Variants in SNTB1 observed in about 807,000 individuals in gnomAD.
SNTB1 encodes beta-1-syntrophin.
SNTB1 carries 36 observed loss-of-function variants against 48.9 expected under a neutral mutation model. The observed-to-expected ratio is 0.74, with a 90% confidence interval of 0.56 to 0.97. The LOEUF is 0.97. Ranked by LOEUF, SNTB1 falls within the 50% of genes least tolerant of loss-of-function variation. The pLI, the probability that SNTB1 is intolerant of heterozygous loss-of-function variation, is 0.00. For missense variants in SNTB1, 786 were observed against 703.4 expected, an observed-to-expected ratio of 1.12 and a Z score of -1.33; for synonymous variants, 299 against 294.6, an observed-to-expected ratio of 1.01 and a Z score of -0.15.
rs372825310 is a variant in SNTB1 at position 120,632,469 on chromosome 8, C to T, written c.971G>A (p.Arg324Lys). 5.3e-5 allele frequency: 86 copies of T among 1,613,960 alleles called. No homozygotes were observed. The highest frequency in any genetic ancestry group is 1.3e-4 in the African/African-American group (10 of 74,916). ...KTGIAGSREI[R>K]HLGWLAEKVP... ...CTTTTCTGCAAGCCAGCCAAGATGCCTAATCTCTCGGCTCCCAGCAATGCC... is the reference window on the plus strand; with the variant it reads ...CTTTTCTGCAAGCCAGCCAAGATGCTTAATCTCTCGGCTCCCAGCAATGCC... Residue 324 changes from arginine to lysine, a missense_variant, in exon 3 of 7, where the codon AGG becomes AAG. Coordinates refer to ENST00000517992, the MANE Select transcript of SNTB1 (RefSeq NM_021021.4).
intron 3 of SNTB1, among the ~76,000 whole-genome samples, chr8:120,604,432 G>C (rs932287430): frequency 6.6e-6 from 1 of 150,772 alleles, no homozygotes; most frequent in Non-Finnish European, 1.5e-5. Flanking sequence ...TTAGCCCATG[G>C]CTTGGAAGCC....
chr8:120,557,379 A>C (rs1309849459), intron 4 of SNTB1, among the ~76,000 whole-genome samples: 1 of 152,186 alleles, frequency 6.6e-6, no homozygotes, highest in Non-Finnish European at 1.5e-5. Flanking sequence ...TGCTTCTTGG[A>C]AGCCAAGATG....
chr8:120,713,449 A>T (rs1478315679), intron 1 of SNTB1, among the ~76,000 whole-genome samples: 1 of 152,158 alleles, frequency 6.6e-6, no homozygotes, highest in Non-Finnish European at 1.5e-5. Context: ...TGAATCATAC[A>T]GGCTGGGCAT....
chr8:120,593,903 A>C (rs1171135639), intron 3 of SNTB1, among the ~76,000 whole-genome samples: 1 of 152,154 alleles, frequency 6.6e-6, no homozygotes, highest in Non-Finnish European at 1.5e-5. Flanking sequence ...GATCTTTCTT[A>C]AAATGGCATC....
intron 3 of SNTB1, among the ~76,000 whole-genome samples, chr8:120,616,250 T>C (rs189005454): frequency 6.6e-6 from 1 of 152,192 alleles, no homozygotes; most frequent in Admixed American, 6.5e-5. Context: ...CAGTTGGTGA[T>C]TTTAGATTCG....
At chr8:120,772,691 A>G (rs1414414557) in intron 1 of SNTB1, among the ~76,000 whole-genome samples, 1 of 152,202 alleles carries the variant, frequency 6.6e-6, no homozygotes, top group African/African-American at 2.4e-5. Context: ...CCCACACTGT[A>G]TATACCTGCC....
intron 1 of SNTB1, among the ~76,000 whole-genome samples, chr8:120,795,867 T>C (rs1820112005): frequency 6.6e-6 from 1 of 152,140 alleles, no homozygotes; most frequent in African/African-American, 2.4e-5. Flanking sequence ...CATGTTCATA[T>C]GGCCCCTCCC....
chr8:120,757,671 T>TCTTCTGTGAAAAACTTCCCTC (rs1439887094), intron 1 of SNTB1, among the ~76,000 whole-genome samples: 1 of 152,162 alleles, frequency 6.6e-6, no homozygotes, highest in Admixed American at 6.5e-5. Flanking sequence ...AGTCTTCCCT[T>TCTTCTGTGAAAAACTTCCCTC]CTTCTGTGAA....
intron 3 of SNTB1, among the ~76,000 whole-genome samples, chr8:120,586,587 T>C (rs1020047932): frequency 6.6e-6 from 1 of 152,148 alleles, no homozygotes; most frequent in Non-Finnish European, 1.5e-5. Flanking sequence ...ACTGGGCCCA[T>C]CTGGATGATC....
intron 4 of SNTB1, 106 bp downstream of exon 4, chr8:120,574,980 C>A (rs761937312): frequency 5.3e-5 from 74 of 1,398,550 alleles, no homozygotes; most frequent in Non-Finnish European, 7.2e-5. Flanking sequence ...GAGCTCTCAG[C>A]CCCTGCTGCA....
At chr8:120,742,201 G>C (rs1819052377) in intron 1 of SNTB1, among the ~76,000 whole-genome samples, 1 of 152,164 alleles carries the variant, frequency 6.6e-6, no homozygotes, top group South Asian at 2.1e-4. Context: ...GCAAAGCACT[G>C]CCTGCCATCT....
At position 120,541,843 on chromosome 8, in the gene SNTB1, C is replaced by T. The variant is rs765902633; in HGVS notation, c.1491G>A (p.Leu497=). ...KMSSDDGIRM[L]YLDFGGKDGE... The stretch of plus-strand genomic sequence containing the variant: ...CATCTTTGCCTCCAAAATCTAAATA[C>T]AGCATCCTGATTCCATCATCTGAAG... The change falls in exon 6 of 7, where the codon CTG becomes CTA. Residue 497 remains leucine (L), a synonymous_variant. Coordinates refer to ENST00000517992, the MANE Select transcript of SNTB1 (RefSeq NM_021021.4). 3.1e-6 allele frequency: 5 copies of T among 1,613,386 alleles called. No homozygotes were observed. In the South Asian group the frequency reaches 4.4e-5, roughly 14 times the overall value.
chr8:120,752,827 G>A (rs1176625665), intron 1 of SNTB1, among the ~76,000 whole-genome samples: 1 of 152,008 alleles, frequency 6.6e-6, no homozygotes, highest in Non-Finnish European at 1.5e-5. Context: ...ACTTGAGGAT[G>A]GAGGGTGGGA....
chr8:120,676,762 T>C (rs1587081804), intron 2 of SNTB1, among the ~76,000 whole-genome samples: 1 of 152,186 alleles, frequency 6.6e-6, no homozygotes, highest in South Asian at 2.1e-4. Flanking sequence ...GGTGGCACAA[T>C]TAAAACTAAA....
At chr8:120,613,297 GCCGGGATTGT>G (rs1425037219) in intron 3 of SNTB1, among the ~76,000 whole-genome samples, 1 of 151,914 alleles carries the variant, frequency 6.6e-6, no homozygotes, top group African/African-American at 2.4e-5. Context: ...GCTGCAGTGA[GCCGGGATTGT>G]GCCACTGCAC....
At chr8:120,548,316 A>G (rs1457574669) in intron 5 of SNTB1, among the ~76,000 whole-genome samples, 1 of 152,150 alleles carries the variant, frequency 6.6e-6, no homozygotes, top group Non-Finnish European at 1.5e-5. Flanking sequence ...AGCCTCAGGC[A>G]TTTCTTTATA....
chr8:120,654,064 A>AAAAAAAAAAAAAC (rs1310619465), intron 2 of SNTB1, among the ~76,000 whole-genome samples: 1 of 148,730 alleles, frequency 6.7e-6, no homozygotes, highest in Non-Finnish European at 1.5e-5. Context: ...AAAAAAAAAA[A>AAAAAAAAAAAAAC]AAAAAAAGTT....
rs548397049 is a variant in SNTB1, at chr8:120,583,781, T to C, written c.997-8556A>G. Among the ~76,000 whole-genome samples the C allele has an allele frequency of 2.0e-5, 3 of 152,148 alleles. 1 individual carries two copies. Among genetic ancestry groups the C allele is most frequent in the African/African-American group, 7.2e-5 (3 of 41,536 alleles). On this transcript the variant is annotated intron_variant, in intron 3 of 6. Coordinates refer to ENST00000517992, the MANE Select transcript of SNTB1 (RefSeq NM_021021.4). ...ACGCTGATCCAAAATAAGACAAATA[T>C]ATTACAAAAATAGAAAACTATAAAC...
intron 1 of SNTB1, among the ~76,000 whole-genome samples, chr8:120,695,273 C>G (rs1480856337): frequency 6.6e-6 from 1 of 152,168 alleles, no homozygotes; most frequent in Non-Finnish European, 1.5e-5. Context: ...CTTCCCTGTG[C>G]AAGACATCAA....
Sources: allele counts gnomAD v4.1 joint callset (sites outside exome capture counted in the v4.1 genomes callset), GRCh38; gene constraint gnomAD v4.1.1; transcripts MANE v1.5; gene names NCBI Gene and HGNC (gene_info 2026-07-23, HGNC 2026-07-21).